The following COL13A1 variants were observed in gnomAD, a reference collection of about 807,000 sequenced individuals.
COL13A1 encodes the protein collagen alpha-1(XIII) chain.
A neutral mutation model predicts 130.9 loss-of-function variants in COL13A1; 89 were observed. The observed-to-expected ratio is 0.68, with a 90% CI of 0.57 to 0.81. The LOEUF (loss-of-function observed/expected upper bound fraction) is 0.81, where lower values mean the gene tolerates loss of function less well. Ranked by LOEUF, COL13A1 falls within the 30% of genes least tolerant of loss-of-function variation. The pLI, the probability that COL13A1 is intolerant of heterozygous loss-of-function variation, is 0.00. For synonymous variants in COL13A1, 402 were observed against 341.6 expected (o/e 1.18, Z -1.95); for missense variants, 879 against 934.6 (o/e 0.94, Z 0.78).
intron 2 of COL13A1, among the ~76,000 whole-genome samples, chr10:69,843,261 C>T (rs1852102680): frequency 6.6e-6 from 1 of 152,082 alleles, no homozygotes; most frequent in African/African-American, 2.4e-5. Flanking sequence ...CAACCCACGG[C>T]CTAGGAGCGA....
chr10:69,893,842 G>A (rs1352550148), intron 10 of COL13A1, among the ~76,000 whole-genome samples: 2 of 152,176 alleles, frequency 1.3e-5, no homozygotes, highest in African/African-American at 4.8e-5. Flanking sequence ...GCCTCAGGGT[G>A]GATCCTCAGC....
chr10:69,902,721 T>C, intron 14 of COL13A1, 27 bp from the exon 15 acceptor site: 2 of 1,537,494 alleles, frequency 1.3e-6, no homozygotes, highest in Non-Finnish European at 1.8e-6. Flanking sequence ...GGGCCTTCCC[T>C]CTAACATTCG....
At chr10:69,851,037 A>T (rs146756929) in intron 2 of COL13A1, among the ~76,000 whole-genome samples, 21 of 152,320 alleles carry the variant, frequency 1.4e-4, no homozygotes, top group African/African-American at 5.1e-4. Flanking sequence ...GGGCCTTTCT[A>T]CAGGGGCCAG....
chr10:69,889,093 C>T (rs867036534), intron 9 of COL13A1, among the ~76,000 whole-genome samples: 3 of 152,222 alleles, frequency 2.0e-5, no homozygotes, highest in South Asian at 2.1e-4. Context: ...ACTCATGTCA[C>T]GGGACCAGGC....
intron 2 of COL13A1, among the ~76,000 whole-genome samples, chr10:69,830,903 C>T (rs879895172): frequency 5.9e-5 from 9 of 152,136 alleles, no homozygotes; most frequent in South Asian, 4.2e-4. Flanking sequence ...CATTTTCGCC[C>T]GCCCTCCGAC....
In COL13A1 at chr10:69,803,701, G is replaced by A. The variant is rs538484246; in HGVS notation, c.294+984G>A. Among the ~76,000 whole-genome samples, 20 of 152,238 alleles carry A rather than the reference G, an allele frequency of 1.3e-4. No individual in the cohort carries two copies. The South Asian group carries it at 1.7e-3, about 13-fold the overall frequency. On this transcript the variant is annotated intron_variant, in intron 1 of 40. Coordinates refer to ENST00000645393, the MANE Select transcript of COL13A1 (RefSeq NM_001368882.1). ...GGAGAGGATATCTTACTTAGCTGGA[G>A]GGAGTGTGCAGCAGTAAAGATCACG...
rs769858266 is a variant in COL13A1, at chr10:69,945,765, T to G, written c.2022+41T>G. On this transcript the variant is annotated intron_variant, in intron 37 of 40. Transcript: ENST00000645393. ...TCAGAGGTTCCTCTCCTCCCACCCC[T>G]GCCCCCATTAGAAATACCCACGGCC... The G allele has an allele frequency of 8.2e-6, 13 of 1,590,464 alleles. No individual in the cohort carries two copies. The South Asian group carries it at 1.4e-4, about 17-fold the overall frequency.
intron 35 of COL13A1, among the ~76,000 whole-genome samples, 152 bp from the exon 36 acceptor site, chr10:69,943,973 C>T (rs967730737): frequency 1.3e-4 from 20 of 152,216 alleles, no homozygotes; most frequent in African/African-American, 3.9e-4. Flanking sequence ...AAGAGGATCA[C>T]GGCCCAGTCG....
chr10:69,837,925 A>G (rs968464432), intron 2 of COL13A1, among the ~76,000 whole-genome samples: 1 of 152,186 alleles, frequency 6.6e-6, no homozygotes, highest in Non-Finnish European at 1.5e-5. Context: ...CCACCTTAAA[A>G]GCCCCCTGTG....
At chr10:69,864,080 ATAAAT>A (rs911163166) in intron 2 of COL13A1, among the ~76,000 whole-genome samples, 21 of 152,274 alleles carry the variant, frequency 1.4e-4, no homozygotes, top group Non-Finnish European at 2.4e-4. Flanking sequence ...AAAAATAATA[ATAAAT>A]TAAATTAAAT....
intron 27 of COL13A1, among the ~76,000 whole-genome samples, chr10:69,928,333 G>A (rs1445825747): frequency 2.0e-5 from 3 of 152,114 alleles, no homozygotes. Context: ...ACTCTAGAAA[G>A]TTTCTTCATG....
intron 2 of COL13A1, among the ~76,000 whole-genome samples, chr10:69,841,113 G>C (rs1851489464): frequency 2.6e-5 from 4 of 151,308 alleles, no homozygotes; most frequent in African/African-American, 7.3e-5. Flanking sequence ...AGCCAGCCTG[G>C]GGCTTAGGAG....
intron 40 of COL13A1, among the ~76,000 whole-genome samples, chr10:69,957,575 C>G (rs952253067): frequency 6.6e-6 from 1 of 152,234 alleles, no homozygotes; most frequent in African/African-American, 2.4e-5. Flanking sequence ...TCCCAGAGTT[C>G]CTACCAACAA....
intron 18 of COL13A1, 45 bp downstream of exon 18, chr10:69,917,378 C>T (rs1222671286): frequency 6.5e-7 from 1 of 1,547,570 alleles, no homozygotes; most frequent in African/African-American, 1.4e-5. Context: ...AAGGCCCCTC[C>T]CCCAGTGCCC....
chr10:69,849,129 T>C (rs1382274506), intron 2 of COL13A1, among the ~76,000 whole-genome samples: 1 of 152,242 alleles, frequency 6.6e-6, no homozygotes, highest in Non-Finnish European at 1.5e-5. Context: ...TGTCTTAGAA[T>C]TTTCAAAGGT....
At position 69,927,092 on chromosome 10, in the gene COL13A1, C is replaced by A. The variant is rs767226643; in HGVS notation, c.1404C>A (p.Ile468=). Residue 468 remains isoleucine, a synonymous_variant, in exon 27 of 41, where the codon ATC becomes ATA. Coordinates refer to ENST00000645393, the MANE Select transcript of COL13A1 (RefSeq NM_001368882.1). ...GCCTGGTGTTGGTTTTTTAGGAGAT[C>A]CGGACGCTGGCCTTGATGGTAAGTT... The part of the protein sequence containing the change: ...NGNINEALQE[I]RTLALMGPPG... 1 of 1,613,770 alleles carries A rather than the reference C, an allele frequency of 6.2e-7. No individual in the cohort carries two copies. Among genetic ancestry groups the A allele is most frequent in the Non-Finnish European group, 8.5e-7 (1 of 1,179,852 alleles).
At chr10:69,932,196 C>T (rs1335339016) in intron 30 of COL13A1, among the ~76,000 whole-genome samples, 1 of 152,160 alleles carries the variant, frequency 6.6e-6, no homozygotes, top group East Asian at 1.9e-4. Flanking sequence ...ATATTTGTAA[C>T]ATAATCTTAA....
chr10:69,807,455 T>C (rs760638329), intron 1 of COL13A1, among the ~76,000 whole-genome samples: 1 of 152,258 alleles, frequency 6.6e-6, no homozygotes, highest in Non-Finnish European at 1.5e-5. Flanking sequence ...CTCATGTTTA[T>C]ACGGTGTGTG....
At chr10:69,850,766 AGAT>A (rs1255916337) in intron 2 of COL13A1, among the ~76,000 whole-genome samples, 1 of 152,204 alleles carries the variant, frequency 6.6e-6, no homozygotes, top group Non-Finnish European at 1.5e-5. Context: ...GGGCAAAGGA[AGAT>A]GATGAGCTGT....
Sources: gnomAD v4.1 joint callset for allele counts (sites outside exome capture counted in the v4.1 genomes callset) on GRCh38, gnomAD v4.1.1 for gene constraint, MANE v1.5 for transcripts, NCBI Gene and HGNC (gene_info 2026-07-23, HGNC 2026-07-21) for gene names.